ATG7: variants seen among roughly 807,000 people sequenced by gnomAD.
ATG7 encodes ubiquitin-like modifier-activating enzyme ATG7.
A neutral mutation model predicts 82.4 loss-of-function variants in ATG7; 70 were observed. The observed-to-expected ratio is 0.85, with a 90% CI of 0.70 to 1.04. The LOEUF (loss-of-function observed/expected upper bound fraction) is 1.04. Among genes scored for constraint, ATG7 ranks in the 50% least tolerant of loss-of-function variants. ATG7 has a pLI of 0.00. For synonymous variants in ATG7, 287 were observed against 313.0 expected (o/e 0.92, Z 0.88); for missense variants, 792 against 864.3 (o/e 0.92, Z 1.05).
Position 11,309,039 on chromosome 3 carries a change from A to G in ATG7, c.389A>G (p.Lys130Arg), listed in dbSNP as rs1197594273. ...TALENPVLLN[K>R]FLLLTFADLK... ...CTTGAAAACCCTGTACTCCTCAACA[A>G]GTTCCTCCTCTTGACATTTGCAGTA... Residue 130 changes from lysine (K) to arginine (R), a missense_variant, in exon 7 of 21, where the codon AAG becomes AGG. Transcript: ENST00000693202. 1 of 1,613,954 alleles carries G rather than the reference A, an allele frequency of 6.2e-7. No homozygotes were observed.
At chr3:11,277,735 A>G (rs956130677) in intron 1 of ATG7, among the ~76,000 whole-genome samples, 18 of 152,060 alleles carry the variant, frequency 1.2e-4, no homozygotes, top group African/African-American at 4.3e-4. Flanking sequence ...ACAACAGAAA[A>G]CAGGGTTCGA....
intron 20 of ATG7, among the ~76,000 whole-genome samples, chr3:11,528,396 G>T (rs1425563432): frequency 1.6e-4 from 24 of 152,110 alleles, no homozygotes; most frequent in Non-Finnish European, 4.4e-5. Flanking sequence ...CAATATCCGG[G>T]AAGTCAGATG....
intron 20 of ATG7, among the ~76,000 whole-genome samples, chr3:11,455,317 A>G (rs1236211095): frequency 6.6e-6 from 1 of 152,208 alleles, no homozygotes; most frequent in Non-Finnish European, 1.5e-5. Flanking sequence ...TTACCCAGTA[A>G]GACTAGCACT....
At chr3:11,503,392 A>G (rs1421199650) in intron 20 of ATG7, among the ~76,000 whole-genome samples, 1 of 152,226 alleles carries the variant, frequency 6.6e-6, no homozygotes, top group Non-Finnish European at 1.5e-5. Flanking sequence ...AGAACATATA[A>G]TATGTACATA....
At position 11,417,327 on chromosome 3, in the gene ATG7, G is replaced by T. The variant is rs534150358; in HGVS notation, c.1957-9477G>T. Reference sequence around the variant, plus strand: ...TCTATTTCTTCTTGCCGTACTGTTAGTTTTTACCTCATGTATTTTGATGCA... The same window carrying T: ...TCTATTTCTTCTTGCCGTACTGTTATTTTTTACCTCATGTATTTTGATGCA... On this transcript the variant is annotated intron_variant, in intron 19 of 20. Coordinates refer to ENST00000693202, the MANE Select transcript of ATG7 (RefSeq NM_001349232.2). 1.2e-4 allele frequency among the ~76,000 whole-genome samples: 18 copies of T among 152,224 alleles called. No homozygotes were observed. The South Asian group carries it at 3.7e-3, about 32-fold the overall frequency.
chr3:11,568,308 A>G, the ATG7 span, among the ~76,000 whole-genome samples: 2 of 152,208 alleles, frequency 1.3e-5, no homozygotes. The surrounding 1 kb of genome is among the most constrained non-coding windows in gnomAD (Gnocchi z 5.9). Context: ...AAATCCAAGC[A>G]TGACTATGAG....
rs752430382 is a variant in ATG7 at position 11,298,818 on chromosome 3, T to A, written c.123T>A (p.Asp41Glu). ...AGAAGCTGAACGAGTATCGGCTGGA[T>A]GAAGCTCCCAAGGACATTAAGGGTT... ...TQKKLNEYRLDEAPKDIKGYY... is the reference protein window; with the variant it reads ...TQKKLNEYRLEEAPKDIKGYY... The change falls in exon 4 of 21, where the codon GAT (aspartate) becomes GAA (glutamate). Residue 41 changes from aspartate to glutamate, a missense_variant. Coordinates refer to ENST00000693202, the MANE Select transcript of ATG7 (RefSeq NM_001349232.2). 5.6e-6 allele frequency: 9 copies of A among 1,614,084 alleles called. No homozygotes were observed. The South Asian group carries it at 8.8e-5, about 16-fold the overall frequency.
At chr3:11,527,924 C>T (rs1272546899) in intron 20 of ATG7, among the ~76,000 whole-genome samples, 1 of 152,172 alleles carries the variant, frequency 6.6e-6, no homozygotes, top group Non-Finnish European at 1.5e-5. Context: ...ATGTGTTGCC[C>T]GTATCCATGC....
At chr3:11,413,412 G>T (rs1434478301) in intron 19 of ATG7, among the ~76,000 whole-genome samples, 1 of 152,146 alleles carries the variant, frequency 6.6e-6, no homozygotes, top group African/African-American at 2.4e-5. Context: ...CATCAATCGA[G>T]ATGATTGTGT....
At chr3:11,366,728 A>C (rs1383703590) in intron 18 of ATG7, among the ~76,000 whole-genome samples, 2 of 151,798 alleles carry the variant, frequency 1.3e-5, no homozygotes, top group Admixed American at 6.6e-5. Context: ...AGGGCAAAAC[A>C]GTCTCTTTAT....
At chr3:11,506,370 TTAG>T (rs1436073418) in intron 20 of ATG7, among the ~76,000 whole-genome samples, 1 of 152,152 alleles carries the variant, frequency 6.6e-6, no homozygotes, top group African/African-American at 2.4e-5. Flanking sequence ...TTTCAAGTGC[TTAG>T]TAGCCTCTTG....
At chr3:11,526,911 A>G (rs923820799) in intron 20 of ATG7, among the ~76,000 whole-genome samples, 2 of 151,960 alleles carry the variant, frequency 1.3e-5, no homozygotes, top group African/African-American at 4.8e-5. Context: ...GTTTTATTAA[A>G]ATTGTGAGTG....
chr3:11,553,898 T>G (rs778083402), intron 20 of ATG7, among the ~76,000 whole-genome samples: 1 of 152,236 alleles, frequency 6.6e-6, no homozygotes, highest in Non-Finnish European at 1.5e-5. Flanking sequence ...ATGCTGTTCC[T>G]TCTCTCAGCT....
At chr3:11,384,464 C>G (rs964145508) in intron 19 of ATG7, among the ~76,000 whole-genome samples, 1 of 152,162 alleles carries the variant, frequency 6.6e-6, no homozygotes, top group African/African-American at 2.4e-5. Context: ...TGATTAAACT[C>G]CTCAAAGTGA....
At chr3:11,293,549 A>G (rs1329720088) in intron 3 of ATG7, among the ~76,000 whole-genome samples, 1 of 141,206 alleles carries the variant, frequency 7.1e-6, no homozygotes, top group African/African-American at 2.7e-5. Flanking sequence ...AAAAAAAAAG[A>G]AAGAAAGTGA....
At chr3:11,511,837 A>G (rs561604459) in intron 20 of ATG7, among the ~76,000 whole-genome samples, 1,534 of 152,262 alleles carry the variant, frequency 0.01, 10 homozygotes, top group Middle Eastern at 0.02. Context: ...CCACTGGCCC[A>G]GGTGCTAAGT....
Position 11,362,900 on chromosome 3 carries a change from A to G in ATG7, c.1771A>G (p.Met591Val). 1 of 1,613,946 alleles carries G rather than the reference A, an allele frequency of 6.2e-7. No individual in the cohort carries two copies. The highest frequency in any genetic ancestry group is 8.5e-7 in the Non-Finnish European group (1 of 1,179,926). ...TGCAGGAGCCCTGGCCGTGGAATTG[A>G]TGGTATCTGTTTTGCAGCATCCAGA... The part of the protein sequence containing the change: ...VIAGALAVEL[M>V]VSVLQHPEGG... The change falls in exon 17 of 21, where the codon ATG (methionine) becomes GTG (valine). Residue 591 changes from methionine to valine, a missense_variant. Coordinates refer to ENST00000693202, the MANE Select transcript of ATG7 (RefSeq NM_001349232.2).
intron 20 of ATG7, among the ~76,000 whole-genome samples, chr3:11,527,502 C>T (rs2092610696): frequency 6.6e-6 from 1 of 152,110 alleles, no homozygotes. Flanking sequence ...ATTTGCATTC[C>T]TGGGAACTCA....
chr3:11,274,834 T>A (rs913014440), intron 1 of ATG7, among the ~76,000 whole-genome samples: 2 of 151,954 alleles, frequency 1.3e-5, no homozygotes, highest in Non-Finnish European at 2.9e-5. Flanking sequence ...TAAACAGTAG[T>A]CATTAATATT....
Sources: allele counts gnomAD v4.1 joint callset (sites outside exome capture counted in the v4.1 genomes callset), GRCh38; gene constraint gnomAD v4.1.1; non-coding constraint Gnocchi (gnomAD v3.1); transcripts MANE v1.5; gene names NCBI Gene and HGNC (gene_info 2026-07-23, HGNC 2026-07-21).